The following OSBP2 variants were observed in gnomAD, a reference collection of about 807,000 sequenced individuals.
OSBP2 encodes oxysterol-binding protein 2.
Under a neutral mutation model 96.0 loss-of-function variants are expected in OSBP2, and 66 were observed. The observed-to-expected ratio is 0.69, with a 90% confidence interval of 0.56 to 0.84. The LOEUF is 0.84. OSBP2 is among the 40% of genes least tolerant of loss of function. OSBP2 has a pLI of 0.00. For synonymous variants in OSBP2, 525 were observed against 520.9 expected (o/e 1.01, Z -0.11); for missense variants, 1,038 against 1,222.7 (o/e 0.85, Z 2.25).
chr22:30,728,736 A>G (rs908030978), intron 1 of OSBP2, among the ~76,000 whole-genome samples: 4 of 152,082 alleles, frequency 2.6e-5, no homozygotes, highest in African/African-American at 9.7e-5. Flanking sequence ...ACTTCAAGCA[A>G]TCCTCCTGCC....
At chr22:30,742,905 G>A (rs967751827) in intron 2 of OSBP2, among the ~76,000 whole-genome samples, 7 of 152,166 alleles carry the variant, frequency 4.6e-5, no homozygotes, top group African/African-American at 1.7e-4. Context: ...ATTCTTCAAG[G>A]TATTGTCAAA....
In OSBP2 at chr22:30,694,969, C is replaced by CT; in HGVS notation, c.61dup (p.Ser21PhefsTer69). On this transcript the variant is annotated frameshift_variant, in exon 1 of 14. Coordinates refer to ENST00000332585, the MANE Select transcript of OSBP2 (RefSeq NM_030758.4). LOFTEE classifies it high-confidence loss of function. ...GCTGTGGCGGCCGCTCCCGCGGGCT[C>CT]TCGTCGCTGTTCACGGTTGTCCCCT... The CT allele has an allele frequency of 6.6e-7, 1 of 1,508,026 alleles. No individual in the cohort carries two copies. Among genetic ancestry groups the CT allele is most frequent in the South Asian group, 1.3e-5 (1 of 78,672 alleles). The allele number at this position is 1,508,026 out of a possible 1,614,324, so 93.4% of individuals were successfully genotyped here.
chr22:30,838,543 C>T (rs1425795079), intron 2 of OSBP2, among the ~76,000 whole-genome samples: 5 of 152,274 alleles, frequency 3.3e-5, no homozygotes, highest in African/African-American at 1.2e-4. Flanking sequence ...TTGCCATGGT[C>T]CTAGTCCTGG....
chr22:30,699,175 C>A (rs930920672), intron 1 of OSBP2, among the ~76,000 whole-genome samples: 1 of 151,832 alleles, frequency 6.6e-6, no homozygotes, highest in Admixed American at 6.6e-5. Flanking sequence ...AAACTCCTGG[C>A]CTCAAGTGAT....
intron 2 of OSBP2, among the ~76,000 whole-genome samples, chr22:30,869,972 G>C (rs892702779): frequency 3.3e-5 from 5 of 152,196 alleles, no homozygotes; most frequent in Non-Finnish European, 5.9e-5. Flanking sequence ...TTGACTGGAC[G>C]GGGGTGATTG....
chr22:30,905,590 CA>C (rs1184604399), intron 12 of OSBP2, among the ~76,000 whole-genome samples: 6 of 152,224 alleles, frequency 3.9e-5, no homozygotes, highest in African/African-American at 7.2e-5. Context: ...TCTAATGTGG[CA>C]AAACAGCGGC....
chr22:30,881,713 G>T lies in OSBP2; in HGVS notation c.1108-5713G>T. 1 of 1,304,024 alleles carries T rather than the reference G, an allele frequency of 7.7e-7. No homozygotes were observed. The highest frequency in any genetic ancestry group is 1.2e-5 in the South Asian group (1 of 81,028). The allele number at this position is 1,304,024 out of a possible 1,614,324, so 80.8% of individuals were successfully genotyped here. ...TGAGAACAGCAGGGCCACGCCAGGC[G>T]CCTGCCTCTCCCCACAGCACAGCCA... On this transcript the variant is annotated intron_variant, in intron 3 of 13. Coordinates refer to ENST00000332585, the MANE Select transcript of OSBP2 (RefSeq NM_030758.4). This position sits in a 1 kb window ranked among gnomAD's most constrained non-coding sequence, Gnocchi z 4.5.
intron 1 of OSBP2, among the ~76,000 whole-genome samples, chr22:30,720,455 C>T (rs994060723): frequency 1.3e-5 from 2 of 152,110 alleles, no homozygotes; most frequent in Admixed American, 6.6e-5. Context: ...TCCAAAGGGC[C>T]GCTCGAGTGT....
At chr22:30,791,652 C>G (rs570535100) in intron 2 of OSBP2, among the ~76,000 whole-genome samples, 58 of 152,260 alleles carry the variant, frequency 3.8e-4, no homozygotes, top group African/African-American at 1.4e-3. Context: ...TAAATAAAAT[C>G]AGTCCTGTCT....
chr22:30,841,097 G>A (rs963077007), intron 2 of OSBP2, among the ~76,000 whole-genome samples: 5 of 151,948 alleles, frequency 3.3e-5, no homozygotes, highest in African/African-American at 9.7e-5. Context: ...CCCGGGAGGC[G>A]GAGGCTGCAG....
At chr22:30,727,359 C>T (rs1236712354) in intron 1 of OSBP2, among the ~76,000 whole-genome samples, 1 of 152,156 alleles carries the variant, frequency 6.6e-6, no homozygotes, top group Non-Finnish European at 1.5e-5. Flanking sequence ...TGCCCAAGTA[C>T]ACCAGCAGGT....
intron 12 of OSBP2, chr22:30,902,110 GAAAAA>G (rs60499517): frequency 9.8e-6 from 2 of 204,536 alleles, no homozygotes; most frequent in South Asian, 1.9e-4. Context: ...AGCAATATAA[GAAAAA>G]AAAAAAAAAC....
intron 1 of OSBP2, among the ~76,000 whole-genome samples, chr22:30,734,797 A>G (rs1042256603): frequency 1.1e-4 from 17 of 152,234 alleles, no homozygotes; most frequent in African/African-American, 4.1e-4. Context: ...TAGCAAATGT[A>G]TCAGATCTTG....
intron 2 of OSBP2, among the ~76,000 whole-genome samples, chr22:30,805,855 A>G (rs2090921680): frequency 6.6e-6 from 1 of 152,222 alleles, no homozygotes; most frequent in South Asian, 2.1e-4. Context: ...AATGGAGCCT[A>G]GATGCCAAAG....
intron 2 of OSBP2, among the ~76,000 whole-genome samples, chr22:30,751,194 A>G (rs903934870): frequency 1.3e-5 from 2 of 152,088 alleles, no homozygotes; most frequent in Non-Finnish European, 2.9e-5. Flanking sequence ...GTCTCCCTAA[A>G]ATGTATAAAA....
At chr22:30,697,912 C>T (rs570947706) in intron 1 of OSBP2, among the ~76,000 whole-genome samples, 9 of 152,322 alleles carry the variant, frequency 5.9e-5, no homozygotes, top group East Asian at 1.9e-4. Context: ...TCCCCAGAGA[C>T]GGCCAGCTTG....
intron 12 of OSBP2, among the ~76,000 whole-genome samples, chr22:30,899,357 G>T (rs2040142129): frequency 6.8e-6 from 1 of 147,320 alleles, no homozygotes; most frequent in South Asian, 2.2e-4. Flanking sequence ...AGTGAGCCAT[G>T]ACTACTACTG....
chr22:30,705,432 T>A (rs1231015937), intron 1 of OSBP2, among the ~76,000 whole-genome samples: 1 of 152,114 alleles, frequency 6.6e-6, no homozygotes, highest in Non-Finnish European at 1.5e-5. Flanking sequence ...TAGCTGGAAT[T>A]ACAGGCATGC....
chr22:30,889,978 G>A (rs909621700), intron 7 of OSBP2, among the ~76,000 whole-genome samples: 3 of 152,122 alleles, frequency 2.0e-5, no homozygotes, highest in Admixed American at 6.5e-5. Context: ...GCTGTGTGTG[G>A]AGGGGTGGGC....
Sources: gnomAD v4.1 joint callset for allele counts (sites outside exome capture counted in the v4.1 genomes callset) on GRCh38, gnomAD v4.1.1 for gene constraint, Gnocchi (gnomAD v3.1) non-coding constraint, MANE v1.5 for transcripts, NCBI Gene and HGNC (gene_info 2026-07-23, HGNC 2026-07-21) for gene names.